The following PSMD12 variants were observed in gnomAD, a reference collection of about 807,000 sequenced individuals.
PSMD12 encodes proteasome 26S subunit, non-ATPase 12.
PSMD12 carries 8 observed loss-of-function variants against 62.9 expected under a neutral mutation model. The observed-to-expected ratio is 0.13, with a 90% CI of 0.07 to 0.23. The LOEUF (loss-of-function observed/expected upper bound fraction) is 0.23, where lower values mean the gene tolerates loss of function less well. Ranked by LOEUF, PSMD12 falls within the 10% of genes least tolerant of loss-of-function variation. The pLI, the probability that PSMD12 is intolerant of heterozygous loss-of-function variation, is 1.00. For missense variants in PSMD12, 424 were observed against 550.2 expected (o/e 0.77, Z 2.29); for synonymous variants, 173 against 187.4 (o/e 0.92, Z 0.63).
chr17:67,341,991 G>A (rs561999798), intron 10 of PSMD12, among the ~76,000 whole-genome samples, 195 bp downstream of exon 10: 40 of 152,296 alleles, frequency 2.6e-4, no homozygotes, highest in African/African-American at 9.1e-4. Context: ...TGGACCTAAA[G>A]ACAACACTGT....
At chr17:67,359,104 C>G (rs1478553892) in intron 1 of PSMD12, among the ~76,000 whole-genome samples, 2 of 152,132 alleles carry the variant, frequency 1.3e-5, no homozygotes, top group South Asian at 4.1e-4. Flanking sequence ...CACTGTAATC[C>G]CAGCACTTTG....
At chr17:67,350,823 T>C (rs2042010323) in intron 3 of PSMD12, among the ~76,000 whole-genome samples, 1 of 152,202 alleles carries the variant, frequency 6.6e-6, no homozygotes, top group African/African-American at 2.4e-5. Context: ...GGGGCTAGAA[T>C]ACACTCCCTT....
At position 67,337,964 on chromosome 17, in the gene PSMD12, C is replaced by A. The variant is rs1014384391; in HGVS notation, c.*2879G>T. 6.6e-6 allele frequency: 1 copy of A among 152,110 alleles called. No homozygotes were observed. Among genetic ancestry groups the A allele is most frequent in the South Asian group, 2.1e-4 (1 of 4,828 alleles). The allele number at this position is 152,110 out of a possible 1,614,324, so 9.4% of individuals were successfully genotyped here. ...TTCTCCAGGTTTTCTTAAATACCCA[C>A]AAATTAGTGTTTTTATTGCTGCTAT... On this transcript the variant is annotated 3_prime_UTR_variant, in exon 11 of 11. Coordinates refer to ENST00000356126, the MANE Select transcript of PSMD12 (RefSeq NM_002816.5).
chr17:67,357,199 C>T lies in PSMD12; in HGVS notation c.297+104G>A, dbSNP rs182919909. ...TTTTAAAACACCCTCTAGGATGTTA[C>T]AACGTTGACTTAACACATTTTAAAC... On this transcript the variant is annotated intron_variant, in intron 3 of 10. Coordinates refer to ENST00000356126, the MANE Select transcript of PSMD12 (RefSeq NM_002816.5). 11,186 of 1,302,584 alleles carry T rather than the reference C, an allele frequency of 8.6e-3. 54 individuals are homozygous for T. The highest frequency in any genetic ancestry group is 0.01 in the Non-Finnish European group (9,874 of 965,762). The allele number at this position is 1,302,584 out of a possible 1,614,324, so 80.7% of individuals were successfully genotyped here. A position where few individuals can be genotyped will look rare whatever the true frequency, so the allele number is the denominator to read the frequency against.
chr17:67,348,719 T>C, intron 4 of PSMD12, 65 bp from the exon 5 acceptor site: 1 of 1,408,792 alleles, frequency 7.1e-7, no homozygotes, highest in Non-Finnish European at 9.9e-7. Context: ...AAAAGTAGGC[T>C]GGGTATGTTG....
At chr17:67,352,435 A>G (rs1443968317) in intron 3 of PSMD12, among the ~76,000 whole-genome samples, 2 of 152,228 alleles carry the variant, frequency 1.3e-5, no homozygotes, top group African/African-American at 2.4e-5. Context: ...ATTGTAAACT[A>G]TAACTCTTTC....
intron 7 of PSMD12, among the ~76,000 whole-genome samples, chr17:67,346,490 G>A (rs56070875): frequency 6.6e-6 from 1 of 151,998 alleles, no homozygotes; most frequent in South Asian, 2.1e-4. Context: ...ACTTGAATCC[G>A]GGAGGCGGAG....
chr17:67,363,203 G>A (rs2042149749), intron 1 of PSMD12, among the ~76,000 whole-genome samples: 1 of 151,982 alleles, frequency 6.6e-6, no homozygotes, highest in African/African-American at 2.4e-5. Flanking sequence ...CCAGGGTTCA[G>A]TGCAGTGATG....
chr17:67,351,298 A>C (rs2042014735), intron 3 of PSMD12, among the ~76,000 whole-genome samples: 1 of 151,984 alleles, frequency 6.6e-6, no homozygotes, highest in East Asian at 1.9e-4. Context: ...AGGCTGAGGC[A>C]GGAGAATGGT....
At chr17:67,363,526 A>C (rs1190250471) in intron 1 of PSMD12, among the ~76,000 whole-genome samples, 1 of 152,222 alleles carries the variant, frequency 6.6e-6, no homozygotes, top group Non-Finnish European at 1.5e-5. Context: ...AAAGAACACT[A>C]TTCTTTTTAC....
At chr17:67,366,203 T>C (rs1442937770) in intron 1 of PSMD12, among the ~76,000 whole-genome samples, 2 of 152,178 alleles carry the variant, frequency 1.3e-5, no homozygotes, top group Non-Finnish European at 2.9e-5. Context: ...CCATCTGTTT[T>C]GGGGAGGGTC....
chr17:67,359,856 T>A (rs1023941650), intron 1 of PSMD12, among the ~76,000 whole-genome samples: 2 of 152,196 alleles, frequency 1.3e-5, no homozygotes, highest in African/African-American at 4.8e-5. Flanking sequence ...AACAAATCTA[T>A]AAATTCTCCA....
rs1254453685 is a variant in PSMD12 at position 67,339,790 on chromosome 17, C to G, written c.*1053G>C. On this transcript the variant is annotated 3_prime_UTR_variant, in exon 11 of 11. Coordinates refer to ENST00000356126, the MANE Select transcript of PSMD12 (RefSeq NM_002816.5). ...AAATTAAACTTGCAAAATTCGTTCA[C>G]ACCAATTCATCTCAGGTGTTTCTTT... 2 of 152,020 alleles carry G rather than the reference C, an allele frequency of 1.3e-5. No homozygotes were observed. Among genetic ancestry groups the G allele is most frequent in the East Asian group, 3.9e-4 (2 of 5,188 alleles). The allele number at this position is 152,020 out of a possible 1,614,324, so 9.4% of individuals were successfully genotyped here.
intron 3 of PSMD12, among the ~76,000 whole-genome samples, chr17:67,354,903 G>C (rs559243067): frequency 1.3e-5 from 2 of 151,888 alleles, no homozygotes; most frequent in African/African-American, 4.8e-5. Flanking sequence ...GGCAGAAGAA[G>C]TGCATAAACC....
At chr17:67,359,557 A>G (rs577648835) in intron 1 of PSMD12, among the ~76,000 whole-genome samples, 1 of 152,330 alleles carries the variant, frequency 6.6e-6, no homozygotes, top group Admixed American at 6.5e-5. Flanking sequence ...GAAACTTATT[A>G]AATAGCTTCT....
Position 67,366,520 on chromosome 17 carries a change from G to A in PSMD12, c.-1C>T, listed in dbSNP as rs202171058. On this transcript the variant is annotated 5_prime_UTR_variant, in exon 1 of 11. Coordinates refer to ENST00000356126, the MANE Select transcript of PSMD12 (RefSeq NM_002816.5). ...CCCGCTCCGAGCCGCCGTCCGCCAT[G>A]GTCCCCGCCTGAGCGTCCCTTGCTG... is the stretch of plus-strand genomic sequence containing the variant. The A allele has an allele frequency of 1.2e-4, 198 of 1,603,550 alleles. 2 individuals are homozygous for A. In the East Asian group the frequency reaches 2.5e-3, roughly 20 times the overall value.
chr17:67,345,972 GGGCGCAGT>G, intron 7 of PSMD12, 115 bp from the exon 8 acceptor site: 1 of 915,592 alleles, frequency 1.1e-6, no homozygotes, highest in South Asian at 1.8e-5. Flanking sequence ...AGTCTTGGCC[GGGCGCAGT>G]GGCTCACGTC....
intron 4 of PSMD12, among the ~76,000 whole-genome samples, 191 bp downstream of exon 4, chr17:67,350,034 TGTCA>T (rs1164266027): frequency 1.3e-5 from 2 of 152,198 alleles, no homozygotes; most frequent in African/African-American, 4.8e-5. Context: ...ATACCATGGC[TGTCA>T]GTATTTAAAT....
At chr17:67,346,885 A>G (rs559343116) in intron 7 of PSMD12, among the ~76,000 whole-genome samples, 2 of 152,330 alleles carry the variant, frequency 1.3e-5, no homozygotes, top group Non-Finnish European at 2.9e-5. Flanking sequence ...TTATTAGGAT[A>G]TGACCCACTG....
Sources: gnomAD v4.1 joint callset for allele counts (sites outside exome capture counted in the v4.1 genomes callset) on GRCh38, gnomAD v4.1.1 for gene constraint, MANE v1.5 for transcripts, NCBI Gene and HGNC (gene_info 2026-07-23, HGNC 2026-07-21) for gene names.